SCNN1B: variants seen among roughly 807,000 people sequenced by gnomAD.
SCNN1B encodes the protein sodium channel epithelial 1 subunit beta.
In SCNN1B, 46 loss-of-function variants were observed where a neutral mutation model predicts 65.3. That is an observed-to-expected ratio of 0.70 (90% CI 0.56 to 0.90). The LOEUF is 0.90. SCNN1B is among the 40% of genes least tolerant of loss of function. The pLI is 0.00. For synonymous variants in SCNN1B, 349 were observed against 330.6 expected (o/e 1.06, Z -0.60); for missense variants, 751 against 830.5 (o/e 0.90, Z 1.18).
chr16:23,349,924 C>T (rs747816393), intron 2 of SCNN1B, among the ~76,000 whole-genome samples: 1 of 151,804 alleles, frequency 6.6e-6, no homozygotes, highest in Non-Finnish European at 1.5e-5. Context: ...ATGGTGAAAC[C>T]TCAACTCTAC....
chr16:23,353,350 G>A (rs760678149), intron 3 of SCNN1B: 2 of 503,714 alleles, frequency 4.0e-6, no homozygotes, highest in Non-Finnish European at 7.2e-6. Context: ...CTGCATTCAG[G>A]CAAGGCTGGA....
intron 1 of SCNN1B, among the ~76,000 whole-genome samples, chr16:23,320,939 C>T (rs1005120397): frequency 1.3e-5 from 2 of 152,206 alleles, no homozygotes; most frequent in African/African-American, 4.8e-5. Flanking sequence ...AAGCCCCAGC[C>T]GGTTTCCCAG....
chr16:23,325,641 T>C (rs1961680067), intron 1 of SCNN1B, among the ~76,000 whole-genome samples: 1 of 151,998 alleles, frequency 6.6e-6, no homozygotes, highest in African/African-American at 2.4e-5. Flanking sequence ...AGAATGCAAG[T>C]TGAAATGCGC....
intron 2 of SCNN1B, among the ~76,000 whole-genome samples, chr16:23,351,780 G>A (rs1048813695): frequency 1.3e-5 from 2 of 152,170 alleles, no homozygotes; most frequent in Non-Finnish European, 1.5e-5. Context: ...ACATGGGAGC[G>A]CCACAGGGCT....
intron 1 of SCNN1B, among the ~76,000 whole-genome samples, chr16:23,332,006 G>T (rs184965154): frequency 6.8e-4 from 103 of 152,174 alleles, no homozygotes; most frequent in Non-Finnish European, 1.1e-3. Flanking sequence ...GAGCTCTGAG[G>T]AATGGGATCT....
chr16:23,301,819 G>T (rs72652268), upstream of SCNN1B, among the ~76,000 whole-genome samples: 1 of 152,170 alleles, frequency 6.6e-6, no homozygotes, highest in Non-Finnish European at 1.5e-5. Context: ...AAGAGGCGGA[G>T]GGAAGAACGT....
intron 1 of SCNN1B, among the ~76,000 whole-genome samples, chr16:23,307,467 C>G (rs1344555831): frequency 6.6e-6 from 1 of 151,896 alleles, no homozygotes; most frequent in Non-Finnish European, 1.5e-5. Flanking sequence ...TTACAAGAGT[C>G]CGCCACCATG....
intron 10 of SCNN1B, among the ~76,000 whole-genome samples, 184 bp from the exon 11 acceptor site, chr16:23,378,522 C>T (rs781383540): frequency 1.3e-5 from 2 of 152,178 alleles, no homozygotes; most frequent in African/African-American, 4.8e-5. Context: ...CCGAGTCCTT[C>T]CTCCCCTAGA....
At chr16:23,318,916 T>A (rs1350184465) in intron 1 of SCNN1B, among the ~76,000 whole-genome samples, 3 of 152,256 alleles carry the variant, frequency 2.0e-5, no homozygotes, top group African/African-American at 7.2e-5. Flanking sequence ...CTTGTCAACA[T>A]AACCTTTTCA....
intron 4 of SCNN1B, among the ~76,000 whole-genome samples, chr16:23,361,072 G>T (rs152738): frequency 6.6e-6 from 1 of 152,132 alleles, no homozygotes; most frequent in African/African-American, 2.4e-5. Context: ...GGGATTACAG[G>T]CATGAGCCAC....
chr16:23,278,365 A>G (rs1421801863), intron 1 of SCNN1B: 1 of 152,118 alleles, frequency 6.6e-6, no homozygotes, highest in Non-Finnish European at 1.5e-5. Context: ...GGGCTTGTCA[A>G]GTTTGTGGTG....
At chr16:23,349,648 G>A (rs866346765) in intron 2 of SCNN1B, among the ~76,000 whole-genome samples, 5 of 152,086 alleles carry the variant, frequency 3.3e-5, no homozygotes, top group East Asian at 1.9e-4. Context: ...GCGTGTTTAC[G>A]GAGCACCTAC....
chr16:23,319,606 T>G (rs1483158500), intron 1 of SCNN1B, among the ~76,000 whole-genome samples: 2 of 152,230 alleles, frequency 1.3e-5, no homozygotes, highest in African/African-American at 4.8e-5. Context: ...GCTTTTGCAC[T>G]ATGATGGCAG....
chr16:23,281,078 C>G (rs1041844710), intron 1 of SCNN1B, among the ~76,000 whole-genome samples: 1 of 152,170 alleles, frequency 6.6e-6, no homozygotes, highest in Non-Finnish European at 1.5e-5. Flanking sequence ...CCCTGAGACC[C>G]AGTGATTTGA....
At chr16:23,328,160 C>A (rs1961735567) in intron 1 of SCNN1B, among the ~76,000 whole-genome samples, 1 of 152,192 alleles carries the variant, frequency 6.6e-6, no homozygotes, top group African/African-American at 2.4e-5. Context: ...GAATCTGTCA[C>A]CCCACGCAGA....
intron 4 of SCNN1B, among the ~76,000 whole-genome samples, chr16:23,362,005 G>A (rs970647400): frequency 6.6e-6 from 1 of 152,106 alleles, no homozygotes; most frequent in South Asian, 2.1e-4. Flanking sequence ...GAGCCAACAA[G>A]ACTTGCCCAA....
At chr16:23,295,274 A>G (rs1049686073) in intron 2 of SCNN1B, among the ~76,000 whole-genome samples, 3 of 151,788 alleles carry the variant, frequency 2.0e-5, no homozygotes, top group African/African-American at 7.3e-5. Context: ...GTTGGAGTGC[A>G]GTGGTGTGAT....
chr16:23,339,592 G>A (rs1962012851), intron 1 of SCNN1B, among the ~76,000 whole-genome samples: 1 of 151,116 alleles, frequency 6.6e-6, no homozygotes, highest in Non-Finnish European at 1.5e-5. Flanking sequence ...TTGAGATGGA[G>A]TCTCACTCTG....
intron 1 of SCNN1B, among the ~76,000 whole-genome samples, chr16:23,333,184 AG>A (rs1961861289): frequency 7.0e-6 from 1 of 142,486 alleles, no homozygotes. Flanking sequence ...GAAGGAAGGA[AG>A]GAAGGAAGGA....
Sources: gnomAD v4.1 joint callset for allele counts (sites outside exome capture counted in the v4.1 genomes callset) on GRCh38, gnomAD v4.1.1 for gene constraint, MANE v1.5 for transcripts, NCBI Gene and HGNC (gene_info 2026-07-23, HGNC 2026-07-21) for gene names.